TESC: variants seen among roughly 807,000 people sequenced by gnomAD.
TESC encodes tescalcin.
A neutral mutation model predicts 31.0 loss-of-function variants in TESC; 19 were observed. The observed-to-expected ratio is 0.61, with a 90% confidence interval of 0.43 to 0.90. TESC has a LOEUF of 0.90. TESC is among the 40% of genes least tolerant of loss of function. The probability of loss-of-function intolerance (pLI) is 0.00; values close to 1 mark genes in which losing one functional copy is unlikely to be tolerated. For synonymous variants in TESC, 109 were observed against 114.8 expected, an observed-to-expected ratio of 0.95 and a Z score of 0.32; for missense variants, 248 against 303.8, an observed-to-expected ratio of 0.82 and a Z score of 1.36.
intron 6 of TESC, among the ~76,000 whole-genome samples, chr12:117,044,226 T>C (rs1954524648): frequency 6.6e-6 from 1 of 152,054 alleles, no homozygotes; most frequent in Admixed American, 6.6e-5. Flanking sequence ...ATCACACCAC[T>C]GTACCACTGC....
At position 117,039,000 on chromosome 12, in the gene TESC, A is replaced by G; in HGVS notation, c.*133T>C. ...CCACATACCATACCCTACAAGACACAAGGTGCGCAGACGAGCCTTGGCTAT... is the reference window on the plus strand; with the variant it reads ...CCACATACCATACCCTACAAGACACGAGGTGCGCAGACGAGCCTTGGCTAT... On this transcript the variant is annotated 3_prime_UTR_variant, in exon 8 of 8. Transcript: ENST00000335209. 1 of 876,066 alleles carries G rather than the reference A, an allele frequency of 1.1e-6. No homozygotes were observed. Among genetic ancestry groups the G allele is most frequent in the Non-Finnish European group, 1.8e-6 (1 of 549,912 alleles). The allele number at this position is 876,066 out of a possible 1,614,324, so 54.3% of individuals were successfully genotyped here.
At chr12:117,085,037 G>A (rs920360492) in intron 1 of TESC, among the ~76,000 whole-genome samples, 5 of 152,230 alleles carry the variant, frequency 3.3e-5, no homozygotes, top group African/African-American at 1.2e-4. Flanking sequence ...GACAGTAAAC[G>A]CTGCTTCAGC....
intron 1 of TESC, among the ~76,000 whole-genome samples, chr12:117,094,328 G>T (rs147727597): frequency 6.6e-6 from 1 of 152,290 alleles, no homozygotes; most frequent in East Asian, 1.9e-4. Flanking sequence ...GTGGGGCTGG[G>T]GAGATGCTGG....
At chr12:117,050,101 C>T (rs1370046807) in intron 3 of TESC, among the ~76,000 whole-genome samples, 2 of 148,056 alleles carry the variant, frequency 1.4e-5, no homozygotes, top group African/African-American at 2.5e-5. Context: ...TGTGCCTGGC[C>T]GGTTTTCACA....
intron 2 of TESC, among the ~76,000 whole-genome samples, chr12:117,065,714 C>A (rs1383877927): frequency 6.6e-6 from 1 of 151,958 alleles, no homozygotes; most frequent in East Asian, 1.9e-4. Context: ...CATGGCAAGA[C>A]CCCATCTCTA....
At chr12:117,048,823 G>A (rs1175258746) in intron 4 of TESC, 196 bp downstream of exon 4, 1 of 840,650 alleles carries the variant, frequency 1.2e-6, no homozygotes, top group Non-Finnish European at 1.9e-6. Context: ...GCTGAGGAAT[G>A]TTTAGGATGA....
intron 3 of TESC, among the ~76,000 whole-genome samples, chr12:117,051,516 G>A (rs897511551): frequency 2.6e-5 from 4 of 152,182 alleles, no homozygotes; most frequent in South Asian, 2.1e-4. Context: ...CCTGCCACAG[G>A]CTTTAATAAC....
Position 117,049,059 on chromosome 12 carries a change from G to A in TESC, c.309C>T (p.Asp103=), listed in dbSNP as rs746893667. The A allele has an allele frequency of 1.4e-5, 23 of 1,614,224 alleles. No homozygotes were observed. The highest frequency in any genetic ancestry group is 4.0e-5 in the African/African-American group (3 of 75,050). ...SYFRPIDTTM[D]EEQVELSRKE... ...TCCGGGACAGCTCCACCTGTTCCTCGTCCATGGTGGTGTCGATGGGCCGGA... is the reference window on the plus strand; with the variant it reads ...TCCGGGACAGCTCCACCTGTTCCTCATCCATGGTGGTGTCGATGGGCCGGA... The change falls in exon 4 of 8, where the codon GAC becomes GAT. Residue 103 remains aspartate (D), a synonymous_variant. Transcript: ENST00000335209.
intron 1 of TESC, among the ~76,000 whole-genome samples, chr12:117,098,069 T>C (rs1955419128): frequency 6.6e-6 from 1 of 152,172 alleles, no homozygotes; most frequent in African/African-American, 2.4e-5. Flanking sequence ...CCAGTTCTCC[T>C]GGAAAGGGGT....
intron 1 of TESC, among the ~76,000 whole-genome samples, chr12:117,088,964 G>A (rs1278996719): frequency 1.3e-5 from 2 of 152,200 alleles, no homozygotes; most frequent in African/African-American, 4.8e-5. Flanking sequence ...GGGACTTCAA[G>A]TCCACTGAGT....
At position 117,044,987 on chromosome 12, in the gene TESC, T is replaced by C. The variant is rs907214281; in HGVS notation, c.519+1572A>G. On this transcript the variant is annotated intron_variant, in intron 6 of 7. Transcript: ENST00000335209. ...CATTAAAGTGGGGACCAGGGATTGTTTGTCTTTGGCGGATGGCACGGTCAG... is the reference window on the plus strand; with the variant it reads ...CATTAAAGTGGGGACCAGGGATTGTCTGTCTTTGGCGGATGGCACGGTCAG... 3.9e-5 allele frequency among the ~76,000 whole-genome samples: 6 copies of C among 152,214 alleles called. No homozygotes were observed. In the South Asian group the frequency reaches 8.3e-4, roughly 21 times the overall value.
chr12:117,084,425 C>T (rs1955189293), intron 1 of TESC, among the ~76,000 whole-genome samples: 1 of 152,208 alleles, frequency 6.6e-6, no homozygotes, highest in African/African-American at 2.4e-5. Context: ...CATGGGAGGC[C>T]AGATTTTCCC....
At chr12:117,078,190 G>A (rs148661779) in intron 1 of TESC, among the ~76,000 whole-genome samples, 3 of 152,220 alleles carry the variant, frequency 2.0e-5, no homozygotes, top group East Asian at 1.9e-4. Context: ...GATTGGGGCC[G>A]GGCACGGTGG....
chr12:117,067,408 A>AT (rs561251698), intron 2 of TESC, among the ~76,000 whole-genome samples: 80 of 151,818 alleles, frequency 5.3e-4, no homozygotes, highest in East Asian at 4.7e-3. Flanking sequence ...CTACAAAAAA[A>AT]TTTTTTTTTA....
chr12:117,092,346 TG>T (rs1025521458), intron 1 of TESC, among the ~76,000 whole-genome samples: 1 of 152,134 alleles, frequency 6.6e-6, no homozygotes, highest in African/African-American at 2.4e-5. Flanking sequence ...GGTGAGATGA[TG>T]GGGCCCAGGT....
chr12:117,068,058 A>G (rs1954911881), intron 2 of TESC, among the ~76,000 whole-genome samples: 3 of 152,154 alleles, frequency 2.0e-5, no homozygotes, highest in Admixed American at 2.0e-4. Context: ...TGCCCGGCTC[A>G]TTTTTAAATT....
chr12:117,061,663 C>T (rs570472834), intron 2 of TESC, among the ~76,000 whole-genome samples: 1 of 152,220 alleles, frequency 6.6e-6, no homozygotes, highest in East Asian at 1.9e-4. Flanking sequence ...CTCTCTCTCT[C>T]TCTCCATAGG....
chr12:117,061,302 C>T (rs1954797787), intron 2 of TESC, among the ~76,000 whole-genome samples: 1 of 152,106 alleles, frequency 6.6e-6, no homozygotes, highest in Non-Finnish European at 1.5e-5. Flanking sequence ...AATAATGAAG[C>T]GAATAATGAA....
At chr12:117,085,260 G>A (rs982089411) in intron 1 of TESC, among the ~76,000 whole-genome samples, 9 of 152,174 alleles carry the variant, frequency 5.9e-5, no homozygotes, top group Admixed American at 5.2e-4. Flanking sequence ...TGGTGGGGGC[G>A]TGAAGGCCTC....
Sources: gnomAD v4.1 joint callset for allele counts (sites outside exome capture counted in the v4.1 genomes callset) on GRCh38, gnomAD v4.1.1 for gene constraint, MANE v1.5 for transcripts, NCBI Gene and HGNC (gene_info 2026-07-23, HGNC 2026-07-21) for gene names.